ROBO2: variants seen among roughly 807,000 people sequenced by gnomAD.
The protein encoded by ROBO2 is roundabout guidance receptor 2, also known as roundabout homolog 2.
A neutral mutation model predicts 160.8 loss-of-function variants in ROBO2; 53 were observed. The observed-to-expected ratio is 0.33, with a 90% CI of 0.26 to 0.41. ROBO2 has a LOEUF of 0.41. ROBO2 is among the 10% of genes least tolerant of loss of function. ROBO2 has a pLI of 1.00. For synonymous variants in ROBO2, 664 were observed against 611.7 expected, an observed-to-expected ratio of 1.09 and a Z score of -1.26; for missense variants, 1,577 against 1,722.4, an observed-to-expected ratio of 0.92 and a Z score of 1.49.
intron 2 of ROBO2, among the ~76,000 whole-genome samples, chr3:76,952,888 G>C (rs958934476): frequency 2.0e-5 from 3 of 152,104 alleles, no homozygotes; most frequent in Non-Finnish European, 4.4e-5. Context: ...TACACACATT[G>C]CATAAACCTA....
At chr3:77,614,747 AACCAAC>A (rs1559731517) in intron 21 of ROBO2, among the ~76,000 whole-genome samples, 8 of 149,886 alleles carry the variant, frequency 5.3e-5, no homozygotes, top group African/African-American at 2.0e-4. Context: ...CCAACCAACC[AACCAAC>A]CAAACAAACA....
chr3:76,191,187 G>T (rs1302487969), intron 2 of ROBO2, among the ~76,000 whole-genome samples: 1 of 152,002 alleles, frequency 6.6e-6, no homozygotes, highest in East Asian at 1.9e-4. Flanking sequence ...AAATGAATGG[G>T]GTAATTAAGA....
chr3:77,562,103 C>G (rs557060456), intron 9 of ROBO2, among the ~76,000 whole-genome samples: 3 of 151,608 alleles, frequency 2.0e-5, no homozygotes, highest in Non-Finnish European at 4.4e-5. Flanking sequence ...AACTCTGTCT[C>G]GGGGTAAAAA....
At chr3:77,069,631 A>G (rs183207142) in intron 1 of ROBO2, among the ~76,000 whole-genome samples, 97 of 152,304 alleles carry the variant, frequency 6.4e-4, no homozygotes, top group Admixed American at 5.8e-3. Flanking sequence ...TAGATTGAAT[A>G]ACTTTCTTAT....
intron 2 of ROBO2, among the ~76,000 whole-genome samples, chr3:77,373,473 A>T (rs9823313): frequency 0.27 from 40,574 of 151,874 alleles, 6,011 homozygotes; most frequent in East Asian, 0.55. Context: ...CTATAATACA[A>T]GATTTGACCT....
rs574186412 is a variant in ROBO2, at chr3:77,336,956, C to G, written c.389-140458C>G. On this transcript the variant is annotated intron_variant, in intron 2 of 25. Transcript: ENST00000461745. ...TTTTGCTAAATTCGGTATATGTCTC[C>G]AGGATAAAATAATGTCTGTATTCAA... Among the ~76,000 whole-genome samples the G allele has an allele frequency of 4.5e-4, 68 of 152,166 alleles. 1 individual carries two copies. The highest frequency in any genetic ancestry group is 2.7e-3 in the South Asian group (13 of 4,820).
chr3:76,453,330 A>G (rs1015161817), intron 2 of ROBO2, among the ~76,000 whole-genome samples: 1 of 152,156 alleles, frequency 6.6e-6, no homozygotes. Flanking sequence ...TAAGTCTTTA[A>G]TCCATCTTGA....
chr3:77,167,600 G>A (rs147964268), intron 2 of ROBO2, among the ~76,000 whole-genome samples: 1,684 of 152,050 alleles, frequency 0.011, 16 homozygotes, highest in Middle Eastern at 0.017. Context: ...AAATATATAA[G>A]TCTTTTTCTG....
intron 2 of ROBO2, among the ~76,000 whole-genome samples, chr3:77,426,093 C>G (rs185389491): frequency 6.6e-6 from 1 of 151,978 alleles, no homozygotes; most frequent in South Asian, 2.1e-4. Context: ...GGAGCAAGAA[C>G]GAAGCAGGAA....
At chr3:76,471,239 A>G (rs923211092) in intron 2 of ROBO2, among the ~76,000 whole-genome samples, 1 of 152,174 alleles carries the variant, frequency 6.6e-6, no homozygotes, top group Non-Finnish European at 1.5e-5. Flanking sequence ...AGGGCAAGAA[A>G]TAAATCCTTG....
At chr3:75,946,244 C>T (rs1376464980) in intron 2 of ROBO2, among the ~76,000 whole-genome samples, 3 of 151,616 alleles carry the variant, frequency 2.0e-5, no homozygotes, top group Non-Finnish European at 2.9e-5. Flanking sequence ...CATCAAGGGA[C>T]GTGAGAAGAG....
intron 2 of ROBO2, among the ~76,000 whole-genome samples, chr3:77,225,012 T>A (rs1489528478): frequency 2.0e-5 from 3 of 151,714 alleles, no homozygotes; most frequent in African/African-American, 7.2e-5. Context: ...TTGTGAAAAT[T>A]TTTAAACATA....
At chr3:77,376,426 G>A (rs2072675082) in intron 2 of ROBO2, among the ~76,000 whole-genome samples, 1 of 151,964 alleles carries the variant, frequency 6.6e-6, no homozygotes. Context: ...CCAAAGTGCT[G>A]TGATTACAGA....
chr3:75,978,220 C>CA (rs2065182574), intron 2 of ROBO2, among the ~76,000 whole-genome samples: 1 of 151,424 alleles, frequency 6.6e-6, no homozygotes. Context: ...TTAAACATTT[C>CA]ACTTCTTTGT....
intron 2 of ROBO2, among the ~76,000 whole-genome samples, chr3:76,929,587 A>G (rs1405970671): frequency 1.3e-5 from 2 of 152,204 alleles, no homozygotes; most frequent in Non-Finnish European, 2.9e-5. Flanking sequence ...CCTTGTCAAA[A>G]CAGCAGACAA....
At chr3:75,924,681 CTTTTTTTTTTTTTT>C (rs60599175) in intron 1 of ROBO2, among the ~76,000 whole-genome samples, 1 of 66,014 alleles carries the variant, frequency 1.5e-5, no homozygotes, top group Non-Finnish European at 2.5e-5. Context: ...ATTTTCTTTT[CTTTTTTTTTTTTTT>C]TTTTTTTTTT....
exon 19 of ROBO2, chr3:77,596,656 C>T (rs768675235): frequency 9.3e-6 from 15 of 1,613,866 alleles, no homozygotes; most frequent in Middle Eastern, 1.6e-4. Flanking sequence ...GTGATCCCAG[C>T]TATCCATGGC....
intron 6 of ROBO2, among the ~76,000 whole-genome samples, chr3:77,524,901 T>C (rs2090981936): frequency 6.6e-6 from 1 of 151,182 alleles, no homozygotes; most frequent in African/African-American, 2.4e-5. Flanking sequence ...TCTCTAAGAC[T>C]GAAACCTCAA....
intron 2 of ROBO2, among the ~76,000 whole-genome samples, chr3:77,293,947 G>A (rs1215888784): frequency 6.3e-5 from 9 of 143,790 alleles, no homozygotes; most frequent in East Asian, 4.0e-4. Flanking sequence ...ATGGTTAAAC[G>A]GGTAAGCTGA....
Sources: allele counts gnomAD v4.1 joint callset (sites outside exome capture counted in the v4.1 genomes callset), GRCh38; gene constraint gnomAD v4.1.1; transcripts MANE v1.5; gene names NCBI Gene and HGNC (gene_info 2026-07-23, HGNC 2026-07-21).